Variants in TDRD3 observed in about 807,000 individuals in gnomAD.
The protein encoded by TDRD3 is tudor domain containing 3.
TDRD3 carries 45 observed loss-of-function variants against 86.7 expected under a neutral mutation model. The ratio of observed to expected loss-of-function variants is 0.52; its 90% confidence interval spans 0.41 to 0.67. The LOEUF is 0.67. Ranked by LOEUF, TDRD3 falls within the 30% of genes least tolerant of loss-of-function variation. TDRD3 has a pLI of 0.00. For missense variants in TDRD3, 814 were observed against 889.0 expected (o/e 0.92, Z 1.07); for synonymous variants, 298 against 301.7 (o/e 0.99, Z 0.13).
Position 60,401,065 on chromosome 13 carries a change from T to C in TDRD3, c.41+3660T>C, listed in dbSNP as rs544941860. Among the ~76,000 whole-genome samples, 3 of 152,304 alleles carry C rather than the reference T, an allele frequency of 2.0e-5. No individual in the cohort carries two copies. In the East Asian group the frequency reaches 5.8e-4, roughly 29 times the overall value. ...AAGGGCTTATTCTGAGGGGTGATCC[T>C]ATTAGAATCAAATAAATCTTTGCCT... On this transcript the variant is annotated intron_variant, in intron 1 of 13. Coordinates refer to ENST00000377881, the MANE Select transcript of TDRD3 (RefSeq NM_001146070.2).
intron 12 of TDRD3, among the ~76,000 whole-genome samples, chr13:60,542,236 A>G (rs748404994): frequency 1.3e-5 from 2 of 152,122 alleles, no homozygotes; most frequent in Non-Finnish European, 2.9e-5. Context: ...GAATTTTACC[A>G]TTCTTTCGCA....
chr13:60,508,401 A>C (rs527938190), intron 8 of TDRD3, among the ~76,000 whole-genome samples: 13 of 152,276 alleles, frequency 8.5e-5, no homozygotes, highest in African/African-American at 2.6e-4. Flanking sequence ...AAACAGCATG[A>C]TATTGGTACC....
chr13:60,510,596 A>G, intron 9 of TDRD3, 34 bp from the exon 10 acceptor site: 1 of 1,546,678 alleles, frequency 6.5e-7, no homozygotes, highest in Non-Finnish European at 8.7e-7. Context: ...GTTTTTGCAT[A>G]TACAGTACAT....
At chr13:60,409,319 G>T (rs757853830) in intron 1 of TDRD3, among the ~76,000 whole-genome samples, 2 of 152,182 alleles carry the variant, frequency 1.3e-5, no homozygotes, top group Non-Finnish European at 2.9e-5. Context: ...AGTCCCTACT[G>T]GGGCACTGCC....
chr13:60,539,885 G>A (rs1957773285), intron 12 of TDRD3, among the ~76,000 whole-genome samples: 1 of 151,856 alleles, frequency 6.6e-6, no homozygotes, highest in South Asian at 2.1e-4. Flanking sequence ...AATTTTAATG[G>A]CATAGTTATA....
At chr13:60,501,338 A>G (rs969336395) in intron 8 of TDRD3, among the ~76,000 whole-genome samples, 2 of 152,196 alleles carry the variant, frequency 1.3e-5, no homozygotes, top group Admixed American at 1.3e-4. Context: ...AGATGTGTCC[A>G]TGCATTGTTC....
chr13:60,526,616 GT>G (rs76831708), intron 10 of TDRD3, among the ~76,000 whole-genome samples: 7,130 of 132,160 alleles, frequency 0.054, 176 homozygotes, highest in Middle Eastern at 0.066. Flanking sequence ...TTGGGGGAAA[GT>G]TTTTTTTTTT....
chr13:60,424,280 C>A (rs1336875032), intron 1 of TDRD3, among the ~76,000 whole-genome samples: 2 of 152,020 alleles, frequency 1.3e-5, no homozygotes, highest in Non-Finnish European at 2.9e-5. Context: ...CTCGGCCTCC[C>A]AAAGCGCTGG....
chr13:60,528,799 C>T lies in TDRD3; in HGVS notation c.1574C>T (p.Ser525Phe). The T allele has an allele frequency of 6.2e-7, 1 of 1,613,842 alleles. No homozygotes were observed. Among genetic ancestry groups the T allele is most frequent in the Non-Finnish European group, 8.5e-7 (1 of 1,179,884 alleles). ...AAAGAAAATCCACTTCCTCAAGGAT[C>T]TGTAGATTATAATAATCAAAAACGT... ...EAKENPLPQG[S>F]VDYNNQKRGK... is the part of the protein sequence containing the mutation. The change falls in exon 11 of 14, where the codon TCT becomes TTT. Residue 525 changes from serine (S) to phenylalanine (F), a missense_variant. Transcript: ENST00000377881.
intron 1 of TDRD3, among the ~76,000 whole-genome samples, chr13:60,413,611 G>A (rs1448153917): frequency 6.6e-6 from 1 of 152,164 alleles, no homozygotes; most frequent in African/African-American, 2.4e-5. Flanking sequence ...TCTTGCTGTT[G>A]TATGTCAAGA....
intron 12 of TDRD3, chr13:60,538,016 T>G (rs1957735106): frequency 6.6e-6 from 1 of 152,022 alleles, no homozygotes; most frequent in African/African-American, 2.4e-5. Context: ...GCATGATATA[T>G]GAAGTGACTC....
At chr13:60,531,818 A>G (rs978547068) in intron 11 of TDRD3, among the ~76,000 whole-genome samples, 1 of 152,204 alleles carries the variant, frequency 6.6e-6, no homozygotes, top group African/African-American at 2.4e-5. Flanking sequence ...TTAAAAAGTT[A>G]TGAGCCATAG....
chr13:60,454,319 T>TATA (rs879932246), intron 3 of TDRD3, among the ~76,000 whole-genome samples: 47 of 152,300 alleles, frequency 3.1e-4, no homozygotes, highest in African/African-American at 1.1e-3. Flanking sequence ...TTTTCTAGTT[T>TATA]AGGCTTATTA....
chr13:60,543,680 A>G (rs1210252076), intron 12 of TDRD3, among the ~76,000 whole-genome samples: 1 of 152,222 alleles, frequency 6.6e-6, no homozygotes, highest in East Asian at 1.9e-4. Context: ...TATGTTATTA[A>G]TAGAGATTAA....
In TDRD3 at chr13:60,510,747, A is replaced by G. The variant is rs1251623368; in HGVS notation, c.1133A>G (p.Asn378Ser). ...TTGGAATCTAAAATGGGAACTTTGAATGTGGAAGGTAAGCTAATTTAAAGT... is the reference window on the plus strand; with the variant it reads ...TTGGAATCTAAAATGGGAACTTTGAGTGTGGAAGGTAAGCTAATTTAAAGT... ...DFLESKMGTLNVEEPKSQPQQ... is the reference protein window; with the variant it reads ...DFLESKMGTLSVEEPKSQPQQ... The change falls in exon 10 of 14, where the codon AAT becomes AGT. Residue 378 changes from asparagine (N) to serine (S), a missense_variant. Physicochemically the swap from Asn to Ser is conservative, Grantham distance 46. Coordinates refer to ENST00000377881, the MANE Select transcript of TDRD3 (RefSeq NM_001146070.2). 6.4e-7 allele frequency: 1 copy of G among 1,566,058 alleles called. No homozygotes were observed. Among genetic ancestry groups the G allele is most frequent in the Non-Finnish European group, 8.6e-7 (1 of 1,157,570 alleles).
rs1389215300 is a variant in TDRD3 at position 60,444,740 on chromosome 13, G to A, written c.184G>A (p.Val62Ile). ...CCCCAGTGACATCAATAGTGGAAAG[G>A]TAGAAAAGGTAAAGAAAATCAATAA... ...FLPSDINSGKVEKLEGPCVLQ... is the reference protein window; with the variant it reads ...FLPSDINSGKIEKLEGPCVLQ... Residue 62 changes from valine (V) to isoleucine (I), a missense_variant, in exon 3 of 14, where the codon GTA becomes ATA. Physicochemically the swap from Val to Ile is conservative, Grantham distance 29. Transcript: ENST00000377881. 6.8e-7 allele frequency: 1 copy of A among 1,478,176 alleles called. No individual in the cohort carries two copies. The highest frequency in any genetic ancestry group is 9.1e-7 in the Non-Finnish European group (1 of 1,100,574). 91.6% of individuals were successfully genotyped at this position (1,478,176 alleles called of 1,614,324 possible).
At chr13:60,459,692 C>T (rs1457363542) in intron 3 of TDRD3, among the ~76,000 whole-genome samples, 1 of 152,216 alleles carries the variant, frequency 6.6e-6, no homozygotes, top group Non-Finnish European at 1.5e-5. Flanking sequence ...TTGATCTCGG[C>T]TCACTGCAAC....
At chr13:60,414,715 C>CT (rs1231790348) in intron 1 of TDRD3, among the ~76,000 whole-genome samples, 1 of 151,970 alleles carries the variant, frequency 6.6e-6, no homozygotes. Context: ...GCAGTGGGGG[C>CT]TTTTTGTCAA....
chr13:60,451,948 T>C (rs1361819785), intron 3 of TDRD3, among the ~76,000 whole-genome samples: 1 of 152,176 alleles, frequency 6.6e-6, no homozygotes, highest in Non-Finnish European at 1.5e-5. Context: ...ACAATTGACA[T>C]CTTTATATGA....
Sources: allele counts gnomAD v4.1 joint callset (sites outside exome capture counted in the v4.1 genomes callset), GRCh38; gene constraint gnomAD v4.1.1; transcripts MANE v1.5; gene names NCBI Gene and HGNC (gene_info 2026-07-23, HGNC 2026-07-21).